The following UNC45B variants were observed in gnomAD, a reference collection of about 807,000 sequenced individuals.
The protein encoded by UNC45B is unc-45 myosin chaperone B.
In UNC45B, 78 loss-of-function variants were observed where a neutral mutation model predicts 98.7. That is an observed-to-expected ratio of 0.79 (90% CI 0.66 to 0.95). UNC45B has a LOEUF of 0.95. UNC45B is among the 40% of genes least tolerant of loss of function. The pLI is 0.00. For missense variants in UNC45B, 1,225 were observed against 1,184.9 expected (o/e 1.03, Z -0.50); for synonymous variants, 462 against 480.4 (o/e 0.96, Z 0.50).
At chr17:35,159,320 T>C in intron 7 of UNC45B, 55 bp from the exon 8 acceptor site, 16 of 1,511,262 alleles carry the variant, frequency 1.1e-5, no homozygotes, top group Non-Finnish European at 1.4e-5. Flanking sequence ...TTCTTGGTCA[T>C]ATATATGTGA....
intron 12 of UNC45B, among the ~76,000 whole-genome samples, 179 bp downstream of exon 12, chr17:35,170,434 C>T (rs2092176366): frequency 6.6e-6 from 1 of 151,004 alleles, no homozygotes; most frequent in Admixed American, 6.6e-5. Flanking sequence ...GGACTCCCGA[C>T]TCCCAATGCC....
Position 35,148,990 on chromosome 17 carries a change from A to G in UNC45B, c.186A>G (p.Ala62=), listed in dbSNP as rs749171674. The change falls in exon 3 of 20, where the codon GCA becomes GCG. Residue 62 remains alanine, a synonymous_variant. Transcript: ENST00000394570. ...TTCCTCAGGAGAGCTACGTCCAGGC[A>G]GCTTCAGATGCCTCCAGAGGTGAGC... ...CGLKTESYVQ[A]ASDASRAIDI... is the part of the protein sequence containing the mutation. The G allele has an allele frequency of 1.2e-6, 2 of 1,614,140 alleles. No homozygotes were observed. The highest frequency in any genetic ancestry group is 1.7e-6 in the Non-Finnish European group (2 of 1,180,018).
intron 5 of UNC45B, among the ~76,000 whole-genome samples, chr17:35,154,304 A>C (rs545208395): frequency 3.5e-4 from 53 of 152,218 alleles, no homozygotes; most frequent in Non-Finnish European, 4.9e-4. Flanking sequence ...CTGCATACCA[A>C]TGCTTTTTCC....
At position 35,177,486 on chromosome 17, in the gene UNC45B, C is replaced by T; in HGVS notation, c.2140-9C>T. ...TCACCTGACCAAACCCTTGACCCCT[C>T]CCCAACAGGTGTATGAGGTGGTGCG... On this transcript the variant is annotated splice_polypyrimidine_tract_variant and intron_variant, in intron 16 of 19. Coordinates refer to ENST00000394570, the MANE Select transcript of UNC45B (RefSeq NM_001267052.2). 1 of 1,553,148 alleles carries T rather than the reference C, an allele frequency of 6.4e-7. No homozygotes were observed. Among genetic ancestry groups the T allele is most frequent in the Non-Finnish European group, 8.7e-7 (1 of 1,147,154 alleles).
Position 35,187,976 on chromosome 17 carries a change from G to C in UNC45B, c.*1417G>C, listed in dbSNP as rs1379656614. 2.6e-5 allele frequency: 4 copies of C among 152,236 alleles called. No individual in the cohort carries two copies. In the East Asian group the frequency reaches 7.7e-4, roughly 29 times the overall value. The allele number at this position is 152,236 out of a possible 1,614,324, so 9.4% of individuals were successfully genotyped here. ...TACAACGTTCCGTTGTGTAATAAAT[G>C]TAAGTGTACATATGCCTGGGACATC... is the stretch of plus-strand genomic sequence containing the variant. On this transcript the variant is annotated 3_prime_UTR_variant, in exon 20 of 20. Coordinates refer to ENST00000394570, the MANE Select transcript of UNC45B (RefSeq NM_001267052.2).
At chr17:35,175,865 C>A in intron 14 of UNC45B, 103 bp from the exon 15 acceptor site, 1 of 1,095,982 alleles carries the variant, frequency 9.1e-7, no homozygotes, top group Non-Finnish European at 1.4e-6. Flanking sequence ...TCTCCCTTTT[C>A]ATCCCAGGGT....
Position 35,149,017 on chromosome 17 carries a change from C to T in UNC45B, c.205+8C>T. ...CTTCAGATGCCTCCAGAGGTGAGCC[C>T]CTCCCACCTCCAAGCTTGCCCTGTC... On this transcript the variant is annotated splice_region_variant and intron_variant, in intron 3 of 19. Coordinates refer to ENST00000394570, the MANE Select transcript of UNC45B (RefSeq NM_001267052.2). 6.2e-7 allele frequency: 1 copy of T among 1,614,040 alleles called. No individual in the cohort carries two copies. Among genetic ancestry groups the T allele is most frequent in the Non-Finnish European group, 8.5e-7 (1 of 1,179,986 alleles).
chr17:35,149,964 C>A (rs746800462), intron 3 of UNC45B, 84 bp from the exon 4 acceptor site: 55 of 1,391,116 alleles, frequency 4.0e-5, no homozygotes, highest in Non-Finnish European at 4.9e-5. Flanking sequence ...GAAGCAAGAG[C>A]ATGCTTCCTG....
At chr17:35,160,499 C>T (rs1597913346) in intron 8 of UNC45B, among the ~76,000 whole-genome samples, 1 of 152,098 alleles carries the variant, frequency 6.6e-6, no homozygotes, top group Non-Finnish European at 1.5e-5. Flanking sequence ...AGTGCAGTGG[C>T]GTGATCATAG....
chr17:35,152,344 G>A (rs555964473), intron 4 of UNC45B, among the ~76,000 whole-genome samples: 4 of 152,272 alleles, frequency 2.6e-5, no homozygotes, highest in African/African-American at 7.2e-5. Context: ...ATGAGCTGGC[G>A]GAGTGAAGGA....
chr17:35,159,261 T>A (rs2092084865), intron 7 of UNC45B, 114 bp from the exon 8 acceptor site: 8 of 1,004,134 alleles, frequency 8.0e-6, no homozygotes, highest in Non-Finnish European at 1.2e-5. Context: ...AATTCACATA[T>A]TCAGGAAGTA....
chr17:35,176,498 G>A (rs1332278271), intron 15 of UNC45B, among the ~76,000 whole-genome samples: 1 of 152,120 alleles, frequency 6.6e-6, no homozygotes, highest in Non-Finnish European at 1.5e-5. Context: ...ATTGGGTTTG[G>A]CTGCAACTCC....
chr17:35,158,938 C>T (rs1448262712), intron 7 of UNC45B, among the ~76,000 whole-genome samples: 3 of 152,182 alleles, frequency 2.0e-5, no homozygotes, highest in Non-Finnish European at 4.4e-5. Flanking sequence ...CCCGGCGTCA[C>T]AGGCAAAAGC....
chr17:35,163,735 T>G (rs769635687), intron 8 of UNC45B, among the ~76,000 whole-genome samples: 20 of 152,334 alleles, frequency 1.3e-4, no homozygotes, highest in Admixed American at 2.6e-4. Flanking sequence ...GGTAGAGTCC[T>G]CTGAGATCGA....
intron 19 of UNC45B, among the ~76,000 whole-genome samples, chr17:35,184,688 G>A (rs1034066654): frequency 1.3e-5 from 2 of 152,184 alleles, no homozygotes; most frequent in African/African-American, 4.8e-5. Context: ...AAAGCAACTA[G>A]CCCAAGGCCA....
chr17:35,177,447 A>G (rs1373832424), intron 16 of UNC45B, 48 bp from the exon 17 acceptor site: 8 of 1,403,532 alleles, frequency 5.7e-6, no homozygotes, highest in Non-Finnish European at 7.8e-6. Context: ...TGAGGCACTC[A>G]GGGAACAAAG....
At chr17:35,180,015 A>T (rs866038566) in intron 17 of UNC45B, among the ~76,000 whole-genome samples, 10 of 152,088 alleles carry the variant, frequency 6.6e-5, no homozygotes, top group South Asian at 2.1e-4. Flanking sequence ...GTAGCAGAAA[A>T]CTTAACTATA....
intron 18 of UNC45B, among the ~76,000 whole-genome samples, 186 bp from the exon 19 acceptor site, chr17:35,183,241 G>A (rs1304937444): frequency 6.6e-6 from 1 of 150,700 alleles, no homozygotes; most frequent in Non-Finnish European, 1.5e-5. Flanking sequence ...TTCTTTACTT[G>A]GAAGAATTTG....
In UNC45B at chr17:35,148,247, T is replaced by A. The variant is rs1352784359; in HGVS notation, c.1-17T>A. 1 of 1,613,802 alleles carries A rather than the reference T, an allele frequency of 6.2e-7. No individual in the cohort carries two copies. Among genetic ancestry groups the A allele is most frequent in the South Asian group, 1.1e-5 (1 of 91,062 alleles). ...CAGTGAGGGGCTGACCAGACAGAGC[T>A]TCTCCTGTCCCAGCAGATGGCAGAG... On this transcript the variant is annotated splice_polypyrimidine_tract_variant and intron_variant, in intron 1 of 19. Transcript: ENST00000394570.
Sources: allele counts gnomAD v4.1 joint callset (sites outside exome capture counted in the v4.1 genomes callset), GRCh38; gene constraint gnomAD v4.1.1; transcripts MANE v1.5; gene names NCBI Gene and HGNC (gene_info 2026-07-23, HGNC 2026-07-21).